FAM167A: variants seen among roughly 807,000 people sequenced by gnomAD.
FAM167A encodes the protein family with sequence similarity 167 member A.
FAM167A carries 23 observed loss-of-function variants against 14.9 expected under a neutral mutation model. That is an observed-to-expected ratio of 1.55 (90% CI 1.11 to 2.19). FAM167A has a LOEUF of 2.19. Ranked by LOEUF, FAM167A falls within the 30% of genes most tolerant of loss-of-function variation. The probability of loss-of-function intolerance (pLI) is 0.00; values close to 1 mark genes in which losing one functional copy is unlikely to be tolerated. For missense variants in FAM167A, 401 were observed against 281.5 expected, an observed-to-expected ratio of 1.42 and a Z score of -3.04; for synonymous variants, 174 against 117.7, an observed-to-expected ratio of 1.48 and a Z score of -3.10.
At chr8:11,443,152 G>A (rs1375644147) in intron 2 of FAM167A, among the ~76,000 whole-genome samples, 1 of 152,206 alleles carries the variant, frequency 6.6e-6, no homozygotes, top group East Asian at 1.9e-4. Flanking sequence ...GGGGTTGAGA[G>A]CTGGGGTAGG....
chr8:11,443,954 CAG>C (rs1025620764), intron 2 of FAM167A, 75 bp downstream of exon 2: 8 of 1,511,852 alleles, frequency 5.3e-6, no homozygotes, highest in African/African-American at 1.4e-5. Flanking sequence ...GGGAGACAGA[CAG>C]AGAGAGACAG....
rs1806678851 is a variant in FAM167A at position 11,444,738 on chromosome 8, C to T, written c.-327G>A. 2.8e-6 allele frequency: 3 copies of T among 1,074,790 alleles called. No homozygotes were observed. The highest frequency in any genetic ancestry group is 3.3e-5 in the African/African-American group (2 of 60,296). The allele number at this position is 1,074,790 out of a possible 1,614,324, so 66.6% of individuals were successfully genotyped here. On this transcript the variant is annotated 5_prime_UTR_variant, in exon 2 of 3. The change creates a new upstream start codon in the 5' untranslated region. Transcript: ENST00000284486. ...CCAAGGTCTATCTGTCCTGAACGCA[C>T]TCGAAGACCAGACTGGCAGGAAGAA...
At chr8:11,435,732 C>G (rs1563366533) in intron 2 of FAM167A, among the ~76,000 whole-genome samples, 1 of 152,200 alleles carries the variant, frequency 6.6e-6, no homozygotes, top group Non-Finnish European at 1.5e-5. Flanking sequence ...GCAAGTCACC[C>G]CACACCTAAG....
At chr8:11,464,289 C>A (rs1407869786) in intron 1 of FAM167A, among the ~76,000 whole-genome samples, 5 of 152,150 alleles carry the variant, frequency 3.3e-5, no homozygotes, top group Non-Finnish European at 7.4e-5. Flanking sequence ...GGGCAACGGT[C>A]CTAACCAGGG....
intron 1 of FAM167A, among the ~76,000 whole-genome samples, chr8:11,473,310 G>T (rs1428112482): frequency 2.6e-5 from 4 of 152,162 alleles, no homozygotes; most frequent in African/African-American, 9.7e-5. Context: ...TGCATACAGG[G>T]ATGATCATTC....
intron 1 of FAM167A, among the ~76,000 whole-genome samples, chr8:11,452,884 G>A (rs1048075261): frequency 2.0e-5 from 3 of 152,176 alleles, no homozygotes; most frequent in Admixed American, 1.3e-4. Context: ...ACACACATTC[G>A]GGCCTCACGT....
chr8:11,428,016 G>A (rs1180006658), intron 2 of FAM167A, among the ~76,000 whole-genome samples: 1 of 152,190 alleles, frequency 6.6e-6, no homozygotes, highest in African/African-American at 2.4e-5. Flanking sequence ...GAAAGATATT[G>A]TCTGCGAACA....
intron 2 of FAM167A, chr8:11,438,353 C>G (rs968279479): frequency 2.3e-6 from 1 of 438,758 alleles, no homozygotes; most frequent in East Asian, 7.0e-5. Context: ...GCTCTCACAT[C>G]AAACAGGAAT....
chr8:11,473,989 T>C (rs139148230), intron 1 of FAM167A, among the ~76,000 whole-genome samples: 5,468 of 152,210 alleles, frequency 0.036, 261 homozygotes, highest in African/African-American at 0.11. Context: ...TTTTCCTGCC[T>C]CAGCATCCTG....
chr8:11,446,027 A>G (rs2117096643), intron 1 of FAM167A, among the ~76,000 whole-genome samples: 1 of 151,924 alleles, frequency 6.6e-6, no homozygotes, highest in Admixed American at 6.5e-5. Flanking sequence ...AAAAAAAAAA[A>G]AAAAAAAAAA....
intron 2 of FAM167A, among the ~76,000 whole-genome samples, chr8:11,440,276 T>C (rs747306809): frequency 2.6e-5 from 4 of 152,188 alleles, no homozygotes; most frequent in Non-Finnish European, 2.9e-5. Flanking sequence ...TCAGGCCGTC[T>C]TAGCTGGGAG....
At chr8:11,438,052 A>G (rs963372286) in intron 2 of FAM167A, 4 of 404,070 alleles carry the variant, frequency 9.9e-6, no homozygotes, top group African/African-American at 6.3e-5. Context: ...AAACTTCACA[A>G]AGACAGGAGC....
upstream of FAM167A, among the ~76,000 whole-genome samples, chr8:11,470,950 G>A (rs1807942665): frequency 6.6e-6 from 1 of 152,198 alleles, no homozygotes. Flanking sequence ...GAAGGACAAT[G>A]AGGGCCAGCT....
intron 1 of FAM167A, chr8:11,445,300 C>T (rs1366343013): frequency 2.0e-6 from 2 of 985,904 alleles, no homozygotes; most frequent in African/African-American, 1.7e-5. Context: ...TCTGCTCCGT[C>T]CAGGTGCCAC....
rs985887889 is a variant in FAM167A, at chr8:11,451,692, C to T, written c.-397-6884G>A. On this transcript the variant is annotated intron_variant, in intron 1 of 2. Coordinates refer to ENST00000284486, the MANE Select transcript of FAM167A (RefSeq NM_053279.3). ...CTTGGCCAGTCAGCTGTTCAGGCCC[C>T]GACTCTGAATTGGGTGCGTGTGAGT... Among the ~76,000 whole-genome samples, 25 of 152,238 alleles carry T rather than the reference C, an allele frequency of 1.6e-4. 1 individual carries two copies. The highest frequency in any genetic ancestry group is 1.1e-3 in the Admixed American group (17 of 15,302).
At chr8:11,470,272 A>G (rs1270604267), upstream of FAM167A, among the ~76,000 whole-genome samples, 1 of 152,082 alleles carries the variant, frequency 6.6e-6, no homozygotes, top group African/African-American at 2.4e-5. Context: ...TTTTCTAGCA[A>G]AGATTTGAGG....
chr8:11,456,472 G>A (rs1398479469), intron 1 of FAM167A, among the ~76,000 whole-genome samples: 1 of 132,312 alleles, frequency 7.6e-6, no homozygotes, highest in Non-Finnish European at 1.6e-5. Context: ...ATGTGTGAGT[G>A]CTTGGGGGGT....
At chr8:11,456,508 T>A (rs1807318808) in intron 1 of FAM167A, among the ~76,000 whole-genome samples, 2 of 133,992 alleles carry the variant, frequency 1.5e-5, no homozygotes, top group Non-Finnish European at 3.2e-5. Context: ...TGTGTGAGTG[T>A]GAGTGTGGGG....
chr8:11,429,705 G>A (rs559913599), intron 2 of FAM167A, among the ~76,000 whole-genome samples: 4 of 152,204 alleles, frequency 2.6e-5, no homozygotes, highest in Non-Finnish European at 5.9e-5. Context: ...TGTCTGCTCA[G>A]AGGCGAGCTG....
Sources: gnomAD v4.1 joint callset for allele counts (sites outside exome capture counted in the v4.1 genomes callset) on GRCh38, gnomAD v4.1.1 for gene constraint, MANE v1.5 for transcripts, NCBI Gene and HGNC (gene_info 2026-07-23, HGNC 2026-07-21) for gene names.